PTCHD4: variants seen among roughly 807,000 people sequenced by gnomAD.
PTCHD4 encodes patched domain-containing protein 4.
A neutral mutation model predicts 58.1 loss-of-function variants in PTCHD4; 33 were observed. The observed-to-expected ratio is 0.57, with a 90% confidence interval of 0.43 to 0.76. The LOEUF is 0.76. Among genes scored for constraint, PTCHD4 ranks in the 30% least tolerant of loss-of-function variants. PTCHD4 has a pLI of 0.00. For synonymous variants in PTCHD4, 478 were observed against 409.6 expected, an observed-to-expected ratio of 1.17 and a Z score of -2.02; for missense variants, 1,058 against 1,027.1, an observed-to-expected ratio of 1.03 and a Z score of -0.41.
intron 4 of PTCHD4, among the ~76,000 whole-genome samples, chr6:47,938,406 G>A (rs760999323): frequency 3.9e-5 from 6 of 152,134 alleles, no homozygotes; most frequent in Non-Finnish European, 5.9e-5. Context: ...TAACAAAGAA[G>A]CAAAGGGATT....
At position 47,963,636 on chromosome 6, in the gene PTCHD4, T is replaced by C. The variant is rs187719089; in HGVS notation, c.898+44998A>G. On this transcript the variant is annotated intron_variant, in intron 4 of 4. Coordinates refer to ENST00000339488, the MANE Select transcript of PTCHD4 (RefSeq NM_001384253.1). ...AAGAAACTGTGGTACATATACACAA[T>C]GATATACTATTCAGCCTTGAAAAAG... Among the ~76,000 whole-genome samples, 36 of 152,284 alleles carry C rather than the reference T, an allele frequency of 2.4e-4. 2 individuals are homozygous for C. The East Asian group carries it at 6.0e-3, about 25-fold the overall frequency.
At chr6:47,905,115 C>A (rs564820485) in intron 4 of PTCHD4, among the ~76,000 whole-genome samples, 7 of 148,254 alleles carry the variant, frequency 4.7e-5, no homozygotes, top group African/African-American at 1.7e-4. Flanking sequence ...TTGACAGCAA[C>A]GTGGAAACAG....
intron 4 of PTCHD4, among the ~76,000 whole-genome samples, chr6:48,001,655 C>T (rs1272871034): frequency 6.6e-6 from 1 of 151,816 alleles, no homozygotes; most frequent in Non-Finnish European, 1.5e-5. Flanking sequence ...CCATAAAAAC[C>T]CTAGAAGAAA....
At chr6:48,031,167 ATATC>A in intron 3 of PTCHD4, among the ~76,000 whole-genome samples, 1 of 152,174 alleles carries the variant, frequency 6.6e-6, no homozygotes, top group Non-Finnish European at 1.5e-5. Context: ...CCACCCCTTG[ATATC>A]TAGTCTAATT....
At chr6:48,038,340 G>A (rs1209417006) in intron 3 of PTCHD4, among the ~76,000 whole-genome samples, 8 of 151,966 alleles carry the variant, frequency 5.3e-5, no homozygotes, top group Non-Finnish European at 1.2e-4. Context: ...CTAAGGAAAG[G>A]AAGAAAGTGA....
chr6:48,102,788 G>A (rs1582141096), intron 1 of PTCHD4, among the ~76,000 whole-genome samples: 2 of 152,188 alleles, frequency 1.3e-5, no homozygotes, highest in African/African-American at 4.8e-5. Context: ...CTTAACAAAC[G>A]ACACACCAGG....
intron 3 of PTCHD4, among the ~76,000 whole-genome samples, chr6:48,018,308 T>C (rs181388597): frequency 4.5e-4 from 69 of 152,344 alleles, no homozygotes; most frequent in Admixed American, 1.4e-3. Context: ...GCTTACATTA[T>C]CGCTAAAGGT....
chr6:48,105,512 T>A (rs1418650911), intron 1 of PTCHD4, among the ~76,000 whole-genome samples: 1 of 152,026 alleles, frequency 6.6e-6, no homozygotes, highest in Non-Finnish European at 1.5e-5. Flanking sequence ...GATCTAAAAT[T>A]GACACCCTAA....
At chr6:47,996,140 T>C (rs1266696566) in intron 4 of PTCHD4, among the ~76,000 whole-genome samples, 2 of 152,140 alleles carry the variant, frequency 1.3e-5, no homozygotes. Context: ...AAACTTGTCA[T>C]GTGAAATATT....
chr6:47,931,754 T>C (rs1383572787), intron 4 of PTCHD4, among the ~76,000 whole-genome samples: 12 of 144,898 alleles, frequency 8.3e-5, no homozygotes, highest in Non-Finnish European at 1.3e-4. Flanking sequence ...AAGTGTATTA[T>C]TAGCATAATA....
At chr6:48,052,835 G>A (rs1044689374) in intron 3 of PTCHD4, among the ~76,000 whole-genome samples, 3 of 151,966 alleles carry the variant, frequency 2.0e-5, no homozygotes, top group Non-Finnish European at 4.4e-5. Flanking sequence ...TATTAACTGA[G>A]AAAACATCCT....
chr6:47,869,013 T>C lies in PTCHD4; in HGVS notation c.*9290A>G, dbSNP rs1763648671. ...ACTTCTTTGGTCTCCTCATCATACG[T>C]CAATAATGAGGAGAGCTTTGCAATG... On this transcript the variant is annotated 3_prime_UTR_variant, in exon 5 of 5. Coordinates refer to ENST00000339488, the MANE Select transcript of PTCHD4 (RefSeq NM_001384253.1). 6.6e-6 allele frequency among the ~76,000 whole-genome samples: 1 copy of C among 151,636 alleles called. No homozygotes were observed. Among genetic ancestry groups the C allele is most frequent in the African/African-American group, 2.4e-5 (1 of 41,354 alleles).
rs150376291 is a variant in PTCHD4 at position 47,999,280 on chromosome 6, T to C, written c.898+9354A>G. On this transcript the variant is annotated intron_variant, in intron 4 of 4. Transcript: ENST00000339488. ...ACTCCAAGTCGTCTGACTCTAAGCC[T>C]CTAAGCATAAGCATGGGAATATTTT... Among the ~76,000 whole-genome samples, 739 of 152,282 alleles carry C rather than the reference T, an allele frequency of 4.9e-3. 5 individuals carry two copies. The highest frequency in any genetic ancestry group is 0.017 in the African/African-American group (707 of 41,556).
intron 4 of PTCHD4, among the ~76,000 whole-genome samples, chr6:47,898,257 T>C (rs1192333249): frequency 6.6e-6 from 1 of 152,166 alleles, no homozygotes; most frequent in African/African-American, 2.4e-5. Flanking sequence ...ATTTCATCCT[T>C]TCAAAACATC....
chr6:48,042,036 A>G (rs1334878306), intron 3 of PTCHD4, among the ~76,000 whole-genome samples: 1 of 152,092 alleles, frequency 6.6e-6, no homozygotes, highest in Admixed American at 6.6e-5. Flanking sequence ...TCATAACTGC[A>G]GAAAACAAAC....
chr6:47,887,528 T>C (rs1006607100), intron 4 of PTCHD4, among the ~76,000 whole-genome samples: 1 of 152,198 alleles, frequency 6.6e-6, no homozygotes, highest in South Asian at 2.1e-4. Context: ...TAGATGTCAA[T>C]TATACCTAAT....
rs1401572011 is a variant in PTCHD4, at chr6:47,866,110, A to G, written c.*12193T>C. On this transcript the variant is annotated 3_prime_UTR_variant, in exon 5 of 5. Coordinates refer to ENST00000339488, the MANE Select transcript of PTCHD4 (RefSeq NM_001384253.1). Reference sequence around the variant, plus strand: ...GAAATCATCTCTCTACCCTCTGGATATCTCCTTTTGGACTCTGTACAAGTT... The same window carrying G: ...GAAATCATCTCTCTACCCTCTGGATGTCTCCTTTTGGACTCTGTACAAGTT... 2.0e-5 allele frequency among the ~76,000 whole-genome samples: 3 copies of G among 151,886 alleles called. No homozygotes were observed. The highest frequency in any genetic ancestry group is 4.8e-5 in the African/African-American group (2 of 41,410).
chr6:47,982,493 T>TG (rs1314821585), intron 4 of PTCHD4, among the ~76,000 whole-genome samples: 4 of 149,372 alleles, frequency 2.7e-5, no homozygotes, highest in Non-Finnish European at 4.5e-5. Flanking sequence ...TTTTTTTTTT[T>TG]TTTTTTGTTT....
chr6:47,931,141 G>A (rs963424288), intron 4 of PTCHD4, among the ~76,000 whole-genome samples: 1 of 152,212 alleles, frequency 6.6e-6, no homozygotes, highest in African/African-American at 2.4e-5. Context: ...TTCCCAGAAG[G>A]TTCATTAATC....
Sources: allele counts gnomAD v4.1 joint callset (sites outside exome capture counted in the v4.1 genomes callset), GRCh38; gene constraint gnomAD v4.1.1; transcripts MANE v1.5; gene names NCBI Gene and HGNC (gene_info 2026-07-23, HGNC 2026-07-21).